Variants in MAP3K9 observed in about 807,000 individuals in gnomAD.
MAP3K9 encodes mixed lineage kinase 1 (tyr and ser/thr specificity).
In MAP3K9, 46 loss-of-function variants were observed where a neutral mutation model predicts 95.8. That is an observed-to-expected ratio of 0.48 (90% confidence interval 0.38 to 0.61). MAP3K9 has a LOEUF of 0.61. Among genes scored for constraint, MAP3K9 ranks in the 20% least tolerant of loss-of-function variants. MAP3K9 has a pLI of 0.00. For missense variants in MAP3K9, 1,296 were observed against 1,474.3 expected, an observed-to-expected ratio of 0.88 and a Z score of 1.98; for synonymous variants, 533 against 593.8, an observed-to-expected ratio of 0.90 and a Z score of 1.49.
intron 2 of MAP3K9, among the ~76,000 whole-genome samples, chr14:70,778,053 G>A (rs1032374385): frequency 3.9e-5 from 6 of 151,944 alleles, no homozygotes; most frequent in South Asian, 2.1e-4. Context: ...AAACTAGGAC[G>A]GAACCTCTCT....
chr14:70,790,834 G>A (rs901245515), intron 2 of MAP3K9, among the ~76,000 whole-genome samples: 19 of 152,174 alleles, frequency 1.2e-4, no homozygotes, highest in African/African-American at 4.6e-4. Flanking sequence ...CCAGACCACT[G>A]ACATCACTGC....
intron 2 of MAP3K9, among the ~76,000 whole-genome samples, chr14:70,799,238 A>G (rs2054901467): frequency 6.6e-6 from 1 of 152,072 alleles, no homozygotes; most frequent in East Asian, 1.9e-4. Context: ...CCTGGGCTCA[A>G]GCAATCCTCT....
chr14:70,775,506 C>A (rs1318471779), intron 2 of MAP3K9, among the ~76,000 whole-genome samples: 1 of 152,178 alleles, frequency 6.6e-6, no homozygotes, highest in Non-Finnish European at 1.5e-5. Flanking sequence ...CCACAACTTA[C>A]TTTTATTTGC....
intron 2 of MAP3K9, among the ~76,000 whole-genome samples, chr14:70,799,182 T>C (rs2054900794): frequency 1.3e-5 from 2 of 152,158 alleles, no homozygotes; most frequent in South Asian, 2.1e-4. Flanking sequence ...CATAATTTTT[T>C]TTAAGAGATG....
At chr14:70,775,676 G>C (rs530299385) in intron 2 of MAP3K9, among the ~76,000 whole-genome samples, 1 of 152,158 alleles carries the variant, frequency 6.6e-6, no homozygotes, top group African/African-American at 2.4e-5. Flanking sequence ...TCACTGGCAG[G>C]GACAAGGAGA....
chr14:70,732,176 T>C (rs2053913662), intron 11 of MAP3K9, among the ~76,000 whole-genome samples: 1 of 152,098 alleles, frequency 6.6e-6, no homozygotes, highest in African/African-American at 2.4e-5. Context: ...TCCTGGAAAA[T>C]GCATCATCCT....
At chr14:70,800,480 C>T (rs936140530) in intron 2 of MAP3K9, among the ~76,000 whole-genome samples, 187 bp downstream of exon 2, 1 of 152,098 alleles carries the variant, frequency 6.6e-6, no homozygotes, top group African/African-American at 2.4e-5. Flanking sequence ...CGCCTCTTTC[C>T]TCTCTTCCTA....
chr14:70,765,528 T>C (rs1409247938), intron 2 of MAP3K9: 2 of 659,410 alleles, frequency 3.0e-6, no homozygotes, highest in Non-Finnish European at 5.5e-6. Context: ...ATCATATTTT[T>C]ACTGTACCTT....
chr14:70,802,647 G>C (rs2054943619), intron 1 of MAP3K9, among the ~76,000 whole-genome samples: 1 of 152,054 alleles, frequency 6.6e-6, no homozygotes, highest in African/African-American at 2.4e-5. Flanking sequence ...CCATCACCAA[G>C]ACCAAATGAG....
chr14:70,773,204 G>T (rs2054553840), intron 2 of MAP3K9, among the ~76,000 whole-genome samples: 1 of 152,184 alleles, frequency 6.6e-6, no homozygotes, highest in Non-Finnish European at 1.5e-5. Context: ...CCCCAAGGAA[G>T]GAATTACCTG....
At chr14:70,797,956 G>C (rs17108554) in intron 2 of MAP3K9, among the ~76,000 whole-genome samples, 45,544 of 151,976 alleles carry the variant, frequency 0.3, 7,343 homozygotes, top group South Asian at 0.41. Flanking sequence ...AACATTACTG[G>C]GCAGCAACTG....
Position 70,732,673 on chromosome 14 carries a change from G to T in MAP3K9, c.2696C>A (p.Thr899Asn). ...CGAGGGGGTGGTGAGGGTGACATGG[G>T]TGGGAGTCAGAGATTGGTTAGGATC... is the stretch of plus-strand genomic sequence containing the variant. ...KRDPNQSLTP[T>N]HVTLTTPSQP... The change falls in exon 11 of 12, where the codon ACC (threonine) becomes AAC (asparagine). Residue 899 changes from threonine (T) to asparagine (N), a missense_variant. Physicochemically the swap from Thr to Asn is moderately conservative, Grantham distance 65. Around this residue, in one of 5 missense-constraint regions of MAP3K9, gnomAD observed 433 missense variants for 441.4 expected, o/e 0.98. Coordinates refer to ENST00000554752, the MANE Select transcript of MAP3K9 (RefSeq NM_001284230.2). 1 of 1,603,864 alleles carries T rather than the reference G, an allele frequency of 6.2e-7. No homozygotes were observed. The highest frequency in any genetic ancestry group is 8.5e-7 in the Non-Finnish European group (1 of 1,173,916).
At position 70,734,409 on chromosome 14, in the gene MAP3K9, C is replaced by T. The variant is rs575813257; in HGVS notation, c.2003G>A (p.Gly668Glu). 2 of 1,613,872 alleles carry T rather than the reference C, an allele frequency of 1.2e-6. No homozygotes were observed. Among genetic ancestry groups the T allele is most frequent in the Non-Finnish European group, 1.7e-6 (2 of 1,179,880 alleles). ...KGPRSSPALPGFTSLMEMEDE... is the reference protein window; with the variant it reads ...KGPRSSPALPEFTSLMEMEDE... ...ACCCATCTCCATAAGGCTGGTGAAC[C>T]CTGGCAGGGCCGGGCTACTCCTTGG... The change falls in exon 10 of 12, where the codon GGG becomes GAG. Residue 668 changes from glycine to glutamate, a missense_variant. By Grantham distance (98) the Gly-to-Glu change is moderately conservative. Coordinates refer to ENST00000554752, the MANE Select transcript of MAP3K9 (RefSeq NM_001284230.2).
At chr14:70,778,300 G>A (rs1445375624) in intron 2 of MAP3K9, among the ~76,000 whole-genome samples, 6 of 146,542 alleles carry the variant, frequency 4.1e-5, no homozygotes, top group Admixed American at 1.4e-4. Context: ...TTTTTGAGAC[G>A]GAGTCCCCCT....
intron 2 of MAP3K9, among the ~76,000 whole-genome samples, chr14:70,772,710 T>C (rs907389638): frequency 6.6e-6 from 1 of 152,324 alleles, no homozygotes; most frequent in East Asian, 1.9e-4. Context: ...TTAGTGTGTG[T>C]TGATTAAGAA....
chr14:70,793,757 A>G (rs539774185), intron 2 of MAP3K9, among the ~76,000 whole-genome samples: 4 of 152,282 alleles, frequency 2.6e-5, no homozygotes, highest in Admixed American at 2.6e-4. Context: ...CACAAAACCT[A>G]TTTGGAGATG....
At chr14:70,745,150 G>A (rs1156430288) in intron 5 of MAP3K9, among the ~76,000 whole-genome samples, 2 of 152,140 alleles carry the variant, frequency 1.3e-5, no homozygotes, top group Non-Finnish European at 2.9e-5. Context: ...AGCCATGTCT[G>A]AAAAAGCAGG....
At chr14:70,804,193 T>A (rs1566771496) in intron 1 of MAP3K9, among the ~76,000 whole-genome samples, 1 of 152,190 alleles carries the variant, frequency 6.6e-6, no homozygotes, top group South Asian at 2.1e-4. Flanking sequence ...TCTGCTATGT[T>A]CTGGGAGTTG....
At position 70,730,483 on chromosome 14, in the gene MAP3K9, T is replaced by C; in HGVS notation, c.3212A>G (p.Asp1071Gly). 2 of 1,614,140 alleles carry C rather than the reference T, an allele frequency of 1.2e-6. No homozygotes were observed. Among genetic ancestry groups the C allele is most frequent in the Non-Finnish European group, 1.7e-6 (2 of 1,180,034 alleles). ...GCTGTCCTGACTCTGCCCCTCTGCA[T>C]CCAGGTCCAGGAGCGTCCGCTCAGT... ...PPTERTLLDL[D>G]AEGQSQDSTV... Residue 1071 changes from aspartate to glycine, a missense_variant, in exon 12 of 12, where the codon GAT becomes GGT. Asp to Gly is a moderately conservative substitution (Grantham distance 94). Coordinates refer to ENST00000554752, the MANE Select transcript of MAP3K9 (RefSeq NM_001284230.2).
Sources: gnomAD v4.1 joint callset for allele counts (sites outside exome capture counted in the v4.1 genomes callset) on GRCh38, gnomAD v4.1.1 for gene constraint, gnomAD v4.1.1 regional missense constraint, MANE v1.5 for transcripts, NCBI Gene and HGNC (gene_info 2026-07-23, HGNC 2026-07-21) for gene names.